Variants in CSRNP3 observed in about 807,000 individuals in gnomAD.
CSRNP3 encodes cysteine/serine-rich nuclear protein 3.
CSRNP3 carries 12 observed loss-of-function variants against 48.0 expected under a neutral mutation model. That is an observed-to-expected ratio of 0.25 (90% CI 0.16 to 0.41). The LOEUF (loss-of-function observed/expected upper bound fraction) is 0.41, where lower values mean the gene tolerates loss of function less well. Ranked by LOEUF, CSRNP3 falls within the 10% of genes least tolerant of loss-of-function variation. The probability of loss-of-function intolerance (pLI) is 1.00; values close to 1 mark genes in which losing one functional copy is unlikely to be tolerated. For synonymous variants in CSRNP3, 263 were observed against 269.7 expected, an observed-to-expected ratio of 0.98 and a Z score of 0.24; for missense variants, 580 against 724.4, an observed-to-expected ratio of 0.80 and a Z score of 2.29.
intron 4 of CSRNP3, among the ~76,000 whole-genome samples, chr2:165,651,681 A>G (rs1169519930): frequency 3.0e-5 from 4 of 135,050 alleles, no homozygotes; most frequent in African/African-American, 8.5e-5. Flanking sequence ...TTTGAGACAG[A>G]GTTTTGCTCT....
At chr2:165,644,009 T>G (rs1193018572) in intron 4 of CSRNP3, among the ~76,000 whole-genome samples, 8 of 152,226 alleles carry the variant, frequency 5.3e-5, no homozygotes, top group Admixed American at 5.2e-4. Flanking sequence ...GTGTTTTTGC[T>G]AGAGGTCAGT....
chr2:165,571,794 A>G (rs1271689302), intron 3 of CSRNP3, among the ~76,000 whole-genome samples: 1 of 152,140 alleles, frequency 6.6e-6, no homozygotes, highest in Non-Finnish European at 1.5e-5. Context: ...TTAATAAAAA[A>G]GATTCACCTT....
chr2:165,577,037 A>G (rs1159793263), intron 3 of CSRNP3, among the ~76,000 whole-genome samples: 2 of 151,972 alleles, frequency 1.3e-5, no homozygotes, highest in Non-Finnish European at 2.9e-5. Flanking sequence ...AGTGTGGAAC[A>G]TAGTCTAAAA....
At chr2:165,676,116 A>T (rs949112027) in intron 5 of CSRNP3, among the ~76,000 whole-genome samples, 196 bp from the exon 6 acceptor site, 5 of 152,208 alleles carry the variant, frequency 3.3e-5, no homozygotes, top group African/African-American at 1.2e-4. Flanking sequence ...TTACCCGTAC[A>T]TTTAAAAGCC....
At chr2:165,554,400 G>A (rs1390552112) in intron 3 of CSRNP3, among the ~76,000 whole-genome samples, 1 of 152,048 alleles carries the variant, frequency 6.6e-6, no homozygotes, top group Non-Finnish European at 1.5e-5. Context: ...TATATAGAGA[G>A]ATAGATAGAA....
chr2:165,589,650 T>TA (rs1331255222), intron 3 of CSRNP3, among the ~76,000 whole-genome samples: 2 of 152,216 alleles, frequency 1.3e-5, no homozygotes, highest in African/African-American at 4.8e-5. Flanking sequence ...CATGAACCTA[T>TA]AACTCCATTT....
chr2:165,676,657 C>A, intron 6 of CSRNP3, 49 bp downstream of exon 6: 1 of 1,535,732 alleles, frequency 6.5e-7, no homozygotes, highest in Non-Finnish European at 9.0e-7. Flanking sequence ...TTGTCTACCA[C>A]CCCCTAAGGA....
intron 3 of CSRNP3, among the ~76,000 whole-genome samples, chr2:165,566,485 T>C (rs189176734): frequency 1.8e-4 from 28 of 151,692 alleles, no homozygotes; most frequent in African/African-American, 5.8e-4. Flanking sequence ...GATGCCTCAA[T>C]GGTTTCATCT....
Position 165,666,012 on chromosome 2 carries a change from A to C in CSRNP3, c.408+7992A>C, listed in dbSNP as rs180870054. ...AGAAAGGAAGGAAGGATAGAGAGGAAGAAAGAAAGAGAGAGAGAGGAAGGG... is the reference window on the plus strand; with the variant it reads ...AGAAAGGAAGGAAGGATAGAGAGGACGAAAGAAAGAGAGAGAGAGGAAGGG... On this transcript the variant is annotated intron_variant, in intron 5 of 6. Transcript: ENST00000651982. 2.7e-3 allele frequency among the ~76,000 whole-genome samples: 388 copies of C among 142,042 alleles called. 9 individuals are homozygous for C. The highest frequency in any genetic ancestry group is 0.015 in the South Asian group (62 of 4,210). The allele number at this position is 142,042 out of a possible 152,430, so 93.2% of individuals were successfully genotyped here.
At chr2:165,670,270 A>T (rs1305076163) in intron 5 of CSRNP3, among the ~76,000 whole-genome samples, 2 of 152,138 alleles carry the variant, frequency 1.3e-5, no homozygotes, top group African/African-American at 4.8e-5. Context: ...ACCCTCCTAC[A>T]TAACCCTCAA....
At chr2:165,612,472 T>C (rs776632039) in intron 4 of CSRNP3, among the ~76,000 whole-genome samples, 2 of 151,988 alleles carry the variant, frequency 1.3e-5, no homozygotes, top group Non-Finnish European at 2.9e-5. Flanking sequence ...CACTAAATTA[T>C]TGTTAGCCAT....
At chr2:165,597,090 C>G (rs1451066076) in intron 4 of CSRNP3, among the ~76,000 whole-genome samples, 9 of 152,060 alleles carry the variant, frequency 5.9e-5, no homozygotes, top group Admixed American at 5.2e-4. Flanking sequence ...CTTATTCCGC[C>G]CCTTAATTAT....
rs1574796059 is a variant in CSRNP3, at chr2:165,483,569, T to C, written c.-282-11190T>C. Among the ~76,000 whole-genome samples, 8 of 152,356 alleles carry C rather than the reference T, an allele frequency of 5.3e-5. 1 individual carries two copies. The South Asian group carries it at 1.7e-3, about 32-fold the overall frequency. On this transcript the variant is annotated intron_variant, in intron 1 of 6. Transcript: ENST00000651982. ...ATTTTGAATATTTTATTTCAAACTG[T>C]GATTATTCTATGTCTCAATCAGTTC...
rs566434561 is a variant in CSRNP3, at chr2:165,608,895, C to T, written c.148+13682C>T. 9.9e-5 allele frequency among the ~76,000 whole-genome samples: 14 copies of T among 141,262 alleles called. No individual in the cohort carries two copies. The East Asian group carries it at 2.5e-3, about 25-fold the overall frequency. 92.7% of individuals were successfully genotyped at this position (141,262 alleles called of 152,430 possible). The stretch of plus-strand genomic sequence containing the variant: ...CACGAGGTCAGGAGATCCAGACCAT[C>T]CTGGCTAACACAGTGAAACCCCGTC... On this transcript the variant is annotated intron_variant, in intron 4 of 6. Coordinates refer to ENST00000651982, the MANE Select transcript of CSRNP3 (RefSeq NM_001172173.2).
At chr2:165,509,830 A>G (rs1341224359) in intron 2 of CSRNP3, among the ~76,000 whole-genome samples, 1 of 152,176 alleles carries the variant, frequency 6.6e-6, no homozygotes, top group East Asian at 1.9e-4. Flanking sequence ...ACAGGATCCA[A>G]TCAAGGATAC....
intron 3 of CSRNP3, among the ~76,000 whole-genome samples, chr2:165,584,047 T>C (rs2105285617): frequency 6.6e-6 from 1 of 152,264 alleles, no homozygotes; most frequent in South Asian, 2.1e-4. Context: ...AAAAAGATCA[T>C]GGGGAGATGT....
chr2:165,529,025 G>A (rs576773760), intron 3 of CSRNP3, among the ~76,000 whole-genome samples: 1 of 151,460 alleles, frequency 6.6e-6, no homozygotes, highest in East Asian at 2.0e-4. Context: ...CCAAACCACG[G>A]CTTTGGACCC....
intron 3 of CSRNP3, among the ~76,000 whole-genome samples, chr2:165,578,057 AACTT>A (rs1451993883): frequency 2.0e-5 from 3 of 152,070 alleles, no homozygotes; most frequent in African/African-American, 4.8e-5. Flanking sequence ...CAGAAATTTG[AACTT>A]ACTTTATATC....
intron 4 of CSRNP3, among the ~76,000 whole-genome samples, chr2:165,640,418 AG>A (rs1336291987): frequency 6.6e-6 from 1 of 152,174 alleles, no homozygotes; most frequent in Non-Finnish European, 1.5e-5. Context: ...CCACTGCCCT[AG>A]GAGATTCCAG....
Sources: gnomAD v4.1 joint callset for allele counts (sites outside exome capture counted in the v4.1 genomes callset) on GRCh38, gnomAD v4.1.1 for gene constraint, MANE v1.5 for transcripts, NCBI Gene and HGNC (gene_info 2026-07-23, HGNC 2026-07-21) for gene names.